PCSK6: variants seen among roughly 807,000 people sequenced by gnomAD.
The protein encoded by PCSK6 is proprotein convertase subtilisin/kexin type 6.
Under a neutral mutation model 123.3 loss-of-function variants are expected in PCSK6, and 85 were observed. The ratio of observed to expected loss-of-function variants is 0.69; its 90% CI spans 0.58 to 0.83. The LOEUF (loss-of-function observed/expected upper bound fraction) is 0.83, where lower values mean the gene tolerates loss of function less well. PCSK6 is among the 40% of genes least tolerant of loss of function. The pLI is 0.00. For missense variants in PCSK6, 1,191 were observed against 1,282.3 expected (o/e 0.93, Z 1.09); for synonymous variants, 508 against 516.0 (o/e 0.98, Z 0.21).
At chr15:101,487,498 G>T (rs2058046635) in intron 1 of PCSK6, among the ~76,000 whole-genome samples, 1 of 152,062 alleles carries the variant, frequency 6.6e-6, no homozygotes, top group Admixed American at 6.5e-5. Context: ...ATGGCCAAGG[G>T]TTAGGCATTT....
chr15:101,338,073 G>A (rs1308316132), intron 13 of PCSK6, among the ~76,000 whole-genome samples: 2 of 152,112 alleles, frequency 1.3e-5, no homozygotes, highest in Non-Finnish European at 2.9e-5. Flanking sequence ...ATCATGAACG[G>A]CAATGCCACA....
chr15:101,485,371 G>A (rs79797076), intron 1 of PCSK6, among the ~76,000 whole-genome samples: 23,336 of 151,872 alleles, frequency 0.15, 2,050 homozygotes, highest in Middle Eastern at 0.25. Context: ...ATACTTTCCT[G>A]GTCTATTCTT....
intron 6 of PCSK6, among the ~76,000 whole-genome samples, chr15:101,402,445 C>G (rs2042618854): frequency 6.6e-6 from 1 of 151,944 alleles, no homozygotes; most frequent in Non-Finnish European, 1.5e-5. Flanking sequence ...TAAAGAGCTT[C>G]TGCACAGCAA....
chr15:101,397,507 T>A (rs1596287989), intron 7 of PCSK6, among the ~76,000 whole-genome samples: 2 of 151,760 alleles, frequency 1.3e-5, no homozygotes, highest in Non-Finnish European at 2.9e-5. Flanking sequence ...CATTCTCCCA[T>A]CCCCCACAGG....
chr15:101,366,808 C>G (rs1015715648), intron 12 of PCSK6, among the ~76,000 whole-genome samples: 1 of 152,152 alleles, frequency 6.6e-6, no homozygotes, highest in African/African-American at 2.4e-5. Context: ...ACTAAGGACG[C>G]CTTTTGAAAG....
chr15:101,416,917 C>T (rs2055907270), intron 6 of PCSK6, among the ~76,000 whole-genome samples: 1 of 152,194 alleles, frequency 6.6e-6, no homozygotes, highest in South Asian at 2.1e-4. Context: ...GGGTGGGGCC[C>T]TCATGAAGAA....
chr15:101,438,256 T>C (rs1044876250), intron 2 of PCSK6, among the ~76,000 whole-genome samples: 1 of 152,238 alleles, frequency 6.6e-6, no homozygotes, highest in Non-Finnish European at 1.5e-5. Context: ...ACCTCTGTTA[T>C]TTTAGCTTCA....
In PCSK6 at chr15:101,371,054, A is replaced by G. The variant is rs138315459; in HGVS notation, c.1533-531T>C. 3.3e-3 allele frequency among the ~76,000 whole-genome samples: 503 copies of G among 152,282 alleles called. 4 individuals carry two copies. Among genetic ancestry groups the G allele is most frequent in the African/African-American group, 0.011 (473 of 41,556 alleles). On this transcript the variant is annotated intron_variant, in intron 11 of 21. Coordinates refer to ENST00000611716, the MANE Select transcript of PCSK6 (RefSeq NM_002570.5). ...TGAAACCCTGTCTACTAAAAATACA[A>G]AAATTAGCTGGGCATGGTGGCGGGT...
chr15:101,313,615 G>A (rs1001528707), intron 19 of PCSK6, 110 bp from the exon 20 acceptor site: 69 of 1,457,526 alleles, frequency 4.7e-5, no homozygotes, highest in Non-Finnish European at 5.6e-5. Context: ...GGAGCCCCCA[G>A]GCCACCACCA....
chr15:101,344,893 T>C (rs1392164293), intron 13 of PCSK6, among the ~76,000 whole-genome samples: 2 of 152,176 alleles, frequency 1.3e-5, no homozygotes, highest in African/African-American at 4.8e-5. Flanking sequence ...TGACTTCAAG[T>C]GATCCGCCCA....
chr15:101,352,840 G>A (rs940698872), intron 13 of PCSK6, among the ~76,000 whole-genome samples: 1 of 152,232 alleles, frequency 6.6e-6, no homozygotes. Context: ...GTGAAGAAGA[G>A]ATATCTCAGT....
intron 13 of PCSK6, among the ~76,000 whole-genome samples, chr15:101,343,283 T>C (rs1279285866): frequency 1.3e-5 from 2 of 152,182 alleles, no homozygotes; most frequent in Non-Finnish European, 2.9e-5. Context: ...ATCAATTTTA[T>C]TAGTTTCTTT....
intron 13 of PCSK6, among the ~76,000 whole-genome samples, chr15:101,345,436 A>G (rs1436129542): frequency 6.6e-6 from 1 of 152,268 alleles, no homozygotes; most frequent in Non-Finnish European, 1.5e-5. Flanking sequence ...AAATAAAATC[A>G]AACAAATTGG....
At chr15:101,313,045 T>G in intron 20 of PCSK6, 1 of 1,225,188 alleles carries the variant, frequency 8.2e-7, no homozygotes, top group Non-Finnish European at 1.0e-6. Context: ...GTTTCTCTGA[T>G]TATCGACAGT....
chr15:101,370,231 G>C (rs1278134977), intron 12 of PCSK6, 104 bp downstream of exon 12: 2 of 967,468 alleles, frequency 2.1e-6, no homozygotes, highest in South Asian at 6.6e-5. Context: ...CCCAACGCCA[G>C]AGGGCCTTGC....
In PCSK6 at chr15:101,313,328, C is replaced by T; in HGVS notation, c.2699+48G>A. On this transcript the variant is annotated intron_variant, in intron 20 of 21. Coordinates refer to ENST00000611716, the MANE Select transcript of PCSK6 (RefSeq NM_002570.5). The stretch of plus-strand genomic sequence containing the variant: ...TGCCAGACTCTGCCCTCCAGGCACT[C>T]CTTTGCTGGACACAGCTGCCTGCCG... 1.9e-6 allele frequency: 3 copies of T among 1,612,450 alleles called. 1 individual carries two copies. In the South Asian group the frequency reaches 3.3e-5, roughly 18 times the overall value.
intron 11 of PCSK6, among the ~76,000 whole-genome samples, chr15:101,378,968 T>A (rs1324827172): frequency 6.6e-6 from 1 of 152,242 alleles, no homozygotes; most frequent in Non-Finnish European, 1.5e-5. Context: ...GCTGGTGGCC[T>A]TTCCGCGCCT....
chr15:101,422,540 G>A (rs896323015), intron 6 of PCSK6, among the ~76,000 whole-genome samples: 12 of 151,902 alleles, frequency 7.9e-5, no homozygotes, highest in African/African-American at 2.4e-4. Flanking sequence ...AAGGCTATGC[G>A]AAAATCAGAA....
At chr15:101,369,113 C>T (rs1240431293) in intron 12 of PCSK6, among the ~76,000 whole-genome samples, 1 of 152,138 alleles carries the variant, frequency 6.6e-6, no homozygotes, top group African/African-American at 2.4e-5. Context: ...GCACCGAGGA[C>T]AAAGCTGGTG....
Sources: allele counts gnomAD v4.1 joint callset (sites outside exome capture counted in the v4.1 genomes callset), GRCh38; gene constraint gnomAD v4.1.1; transcripts MANE v1.5; gene names NCBI Gene and HGNC (gene_info 2026-07-23, HGNC 2026-07-21).